TMEM177: variants seen among roughly 807,000 people sequenced by gnomAD.
TMEM177 encodes transmembrane protein 177.
A neutral mutation model predicts 14.2 loss-of-function variants in TMEM177; 4 were observed. That is an observed-to-expected ratio of 0.28 (90% CI 0.14 to 0.64). The LOEUF (loss-of-function observed/expected upper bound fraction) is 0.64, where lower values mean the gene tolerates loss of function less well. TMEM177 is among the 30% of genes least tolerant of loss of function. The probability of loss-of-function intolerance (pLI) is 0.82; values close to 1 mark genes in which losing one functional copy is unlikely to be tolerated. For missense variants in TMEM177, 344 were observed against 405.2 expected (o/e 0.85, Z 1.30); for synonymous variants, 179 against 174.5 (o/e 1.03, Z -0.20).
chr2:119,694,911 C>T, the TMEM177 span, among the ~76,000 whole-genome samples: 2 of 152,206 alleles, frequency 1.3e-5, no homozygotes, highest in African/African-American at 4.8e-5. Flanking sequence ...CAAGGGCTCA[C>T]TCACTCTATT....
At chr2:119,710,974 T>G in the TMEM177 span, among the ~76,000 whole-genome samples, 2 of 152,050 alleles carry the variant, frequency 1.3e-5, no homozygotes, top group African/African-American at 2.4e-5. Flanking sequence ...GAGGCTACGA[T>G]CAAATGCCCA....
At chr2:119,693,941 A>T in the TMEM177 span, among the ~76,000 whole-genome samples, 3 of 1,464 alleles carry the variant, frequency 2.0e-3, no homozygotes, top group South Asian at 0.02. Context: ...ACATCACACA[A>T]GCCACACACA....
At chr2:119,706,639 C>T in the TMEM177 span, among the ~76,000 whole-genome samples, 2 of 151,908 alleles carry the variant, frequency 1.3e-5, no homozygotes, top group Non-Finnish European at 2.9e-5. Context: ...ATGTATTTAC[C>T]TGCAAATAAC....
chr2:119,685,050 T>C (rs1688987705), downstream of TMEM177, among the ~76,000 whole-genome samples: 1 of 152,148 alleles, frequency 6.6e-6, no homozygotes, highest in African/African-American at 2.4e-5. Context: ...TTGTGAACAT[T>C]GTTCTCCTGG....
At chr2:119,706,901 T>TTTATG in the TMEM177 span, among the ~76,000 whole-genome samples, 472 of 149,414 alleles carry the variant, frequency 3.2e-3, 15 homozygotes, top group South Asian at 0.05. Context: ...ATTTTATTTA[T>TTTATG]TTATTTTATT....
At chr2:119,694,102 C>G in the TMEM177 span, among the ~76,000 whole-genome samples, 1 of 146,614 alleles carries the variant, frequency 6.8e-6, no homozygotes, top group Non-Finnish European at 1.5e-5. Flanking sequence ...ATGGCACACA[C>G]AAACACATAC....
At chr2:119,691,388 T>C (rs1689092975), downstream of TMEM177, among the ~76,000 whole-genome samples, 2 of 152,142 alleles carry the variant, frequency 1.3e-5, no homozygotes, top group Admixed American at 1.3e-4. Context: ...ATAGTTTCCA[T>C]TCACCAGTCA....
downstream of TMEM177, among the ~76,000 whole-genome samples, chr2:119,690,613 G>T (rs1689078954): frequency 6.6e-6 from 1 of 152,178 alleles, no homozygotes; most frequent in Non-Finnish European, 1.5e-5. Context: ...CACGTGGAGA[G>T]AGGGAGGGAG....
chr2:119,715,273 A>T, the TMEM177 span, among the ~76,000 whole-genome samples: 6 of 152,316 alleles, frequency 3.9e-5, no homozygotes, highest in African/African-American at 1.4e-4. Context: ...ATGTAGTCTT[A>T]GCTCCTCTGG....
the TMEM177 span, among the ~76,000 whole-genome samples, chr2:119,701,163 G>C: frequency 1.3e-5 from 2 of 152,190 alleles, no homozygotes; most frequent in Admixed American, 6.5e-5. Flanking sequence ...TTAAGGTGCT[G>C]TGTCCTTTGC....
the TMEM177 span, among the ~76,000 whole-genome samples, chr2:119,723,068 T>C: frequency 6.6e-6 from 1 of 152,206 alleles, no homozygotes; most frequent in South Asian, 2.1e-4. Context: ...TCTACTTCTT[T>C]GTTTTTGTTT....
chr2:119,701,747 T>C, the TMEM177 span, among the ~76,000 whole-genome samples: 1 of 152,172 alleles, frequency 6.6e-6, no homozygotes, highest in Non-Finnish European at 1.5e-5. Flanking sequence ...ATTACTGAAG[T>C]CAGTCTCTAT....
rs1688921560 is a variant in TMEM177 at position 119,682,039 on chromosome 2, A to G, written c.*250A>G. On this transcript the variant is annotated 3_prime_UTR_variant, in exon 2 of 2. Coordinates refer to ENST00000272521, the MANE Select transcript of TMEM177 (RefSeq NM_030577.3). ...TGGAGATGATGTAAACCGCCTTGCA[A>G]GATTGTAGAGTTGGGTAAGGTCATG... 2.1e-6 allele frequency: 1 copy of G among 477,606 alleles called. No individual in the cohort carries two copies. Among genetic ancestry groups the G allele is most frequent in the East Asian group, 3.4e-5 (1 of 29,654 alleles). 29.6% of individuals were successfully genotyped at this position (477,606 alleles called of 1,614,324 possible).
chr2:119,687,584 G>C (rs546768820), downstream of TMEM177, among the ~76,000 whole-genome samples: 1 of 152,100 alleles, frequency 6.6e-6, no homozygotes, highest in Non-Finnish European at 1.5e-5. Flanking sequence ...ACAGCATGGG[G>C]AAACCATCCC....
chr2:119,696,080 G>C, the TMEM177 span, among the ~76,000 whole-genome samples: 1 of 152,252 alleles, frequency 6.6e-6, no homozygotes, highest in Non-Finnish European at 1.5e-5. Flanking sequence ...AAGGGGCTGT[G>C]ACCATCTCAT....
the TMEM177 span, among the ~76,000 whole-genome samples, chr2:119,712,333 T>A: frequency 6.6e-6 from 1 of 152,040 alleles, no homozygotes; most frequent in African/African-American, 2.4e-5. Context: ...TTGTGATGGG[T>A]TGCCTTGTGT....
chr2:119,719,860 C>A, the TMEM177 span, among the ~76,000 whole-genome samples: 2 of 152,302 alleles, frequency 1.3e-5, no homozygotes, highest in South Asian at 4.1e-4. Context: ...GTGGTGCAAT[C>A]ATAGCTCACT....
the TMEM177 span, among the ~76,000 whole-genome samples, chr2:119,713,507 CAT>C: frequency 6.6e-6 from 1 of 152,124 alleles, no homozygotes; most frequent in South Asian, 2.1e-4. Context: ...TATTATTCCC[CAT>C]GAGTTTTTAT....
downstream of TMEM177, among the ~76,000 whole-genome samples, chr2:119,682,879 C>T (rs1688939959): frequency 6.6e-6 from 1 of 152,130 alleles, no homozygotes; most frequent in Non-Finnish European, 1.5e-5. Context: ...TGGTCCCACT[C>T]AGGACCCAGG....
Sources: allele counts gnomAD v4.1 joint callset (sites outside exome capture counted in the v4.1 genomes callset), GRCh38; gene constraint gnomAD v4.1.1; transcripts MANE v1.5; gene names NCBI Gene and HGNC (gene_info 2026-07-23, HGNC 2026-07-21).